MGST2: variants seen among roughly 807,000 people sequenced by gnomAD.
MGST2 encodes the protein microsomal glutathione S-transferase 2.
In MGST2, 9 loss-of-function variants were observed where a neutral mutation model predicts 16.6. The ratio of observed to expected loss-of-function variants is 0.54; its 90% CI spans 0.33 to 0.95. The LOEUF is 0.95. Ranked by LOEUF, MGST2 falls within the 40% of genes least tolerant of loss-of-function variation. The pLI is 0.03. For synonymous variants in MGST2, 79 were observed against 68.0 expected, an observed-to-expected ratio of 1.16 and a Z score of -0.79; for missense variants, 159 against 175.1, an observed-to-expected ratio of 0.91 and a Z score of 0.52.
Position 139,712,508 on chromosome 4 carries a change from A to C in MGST2, c.*48+8312A>C, listed in dbSNP as rs914193081. On this transcript the variant is annotated intron_variant, in intron 5 of 5. Transcript: ENST00000616265. ...ATTATTTGTATAAAGTACAGCAAGG[A>C]TAATTATTTTTCACACAGGCATTTT... Among the ~76,000 whole-genome samples, 6 of 152,226 alleles carry C rather than the reference A, an allele frequency of 3.9e-5. 1 individual carries two copies. Among genetic ancestry groups the C allele is most frequent in the Admixed American group, 2.6e-4 (4 of 15,278 alleles).
intron 5 of MGST2, chr4:139,725,753 T>G (rs1386149588): frequency 8.1e-6 from 13 of 1,613,766 alleles, no homozygotes; most frequent in Non-Finnish European, 1.1e-5. Flanking sequence ...GGCCTCACCT[T>G]GAAACTGATT....
At chr4:139,666,548 T>A (rs1011442097) in intron 1 of MGST2, among the ~76,000 whole-genome samples, 4 of 152,224 alleles carry the variant, frequency 2.6e-5, no homozygotes, top group African/African-American at 9.6e-5. Flanking sequence ...GGTGGTATGA[T>A]TATCAGATTG....
intron 2 of MGST2, among the ~76,000 whole-genome samples, chr4:139,694,731 A>G (rs1301615269): frequency 2.0e-5 from 3 of 152,338 alleles, no homozygotes; most frequent in South Asian, 2.1e-4. Context: ...TTCTTCCTCC[A>G]TAAAATGGGA....
At chr4:139,708,980 C>T (rs368667625), downstream of MGST2, among the ~76,000 whole-genome samples, 5 of 110,478 alleles carry the variant, frequency 4.5e-5, no homozygotes, top group Admixed American at 1.2e-4. Flanking sequence ...GCCTGGGCAA[C>T]GAGAGCAAAA....
intron 1 of MGST2, 91 bp downstream of exon 1, chr4:139,666,168 G>C: frequency 7.5e-7 from 1 of 1,339,762 alleles, no homozygotes; most frequent in Non-Finnish European, 1.1e-6. Flanking sequence ...GAGGGAGGGA[G>C]ATGGGTCCGG....
chr4:139,708,469 T>TGTA (rs1473182929), downstream of MGST2, among the ~76,000 whole-genome samples: 1 of 152,208 alleles, frequency 6.6e-6, no homozygotes, highest in Non-Finnish European at 1.5e-5. Context: ...ACTGTAGCCT[T>TGTA]GTAGTATAGT....
intron 5 of MGST2, chr4:139,719,174 C>A (rs973005880): frequency 1.3e-5 from 11 of 861,886 alleles, no homozygotes; most frequent in Non-Finnish European, 1.9e-5. Context: ...TGTGGATTGG[C>A]ACCTGGATCT....
In MGST2 at chr4:139,679,277, C is replaced by T. The variant is rs184534860; in HGVS notation, c.158+635C>T. 1.3e-4 allele frequency among the ~76,000 whole-genome samples: 20 copies of T among 152,256 alleles called. No individual in the cohort carries two copies. In the South Asian group the frequency reaches 1.7e-3, roughly 13 times the overall value. ...TACGTGCTTTAAGAAACATTTCATG[C>T]GTCACCACTGATATATCATTGGGTT... On this transcript the variant is annotated intron_variant, in intron 2 of 4. Transcript: ENST00000265498.
chr4:139,692,880 T>G (rs1276121997), intron 2 of MGST2, among the ~76,000 whole-genome samples: 1 of 152,236 alleles, frequency 6.6e-6, no homozygotes, highest in Admixed American at 6.5e-5. Context: ...TACACAATAT[T>G]ATCTCTTTGT....
At chr4:139,718,154 G>C (rs950052634) in intron 5 of MGST2, 32 of 152,224 alleles carry the variant, frequency 2.1e-4, no homozygotes, top group African/African-American at 7.5e-4. Context: ...CTCCTTCCTG[G>C]GGATATCAGA....
At chr4:139,680,145 C>T (rs1034270745) in intron 2 of MGST2, among the ~76,000 whole-genome samples, 7 of 152,192 alleles carry the variant, frequency 4.6e-5, no homozygotes, top group Non-Finnish European at 8.8e-5. Flanking sequence ...GAAATAATTT[C>T]ATGCTCCTTT....
chr4:139,746,383 A>G, the MGST2 span, among the ~76,000 whole-genome samples: 1 of 152,178 alleles, frequency 6.6e-6, no homozygotes, highest in South Asian at 2.1e-4. Context: ...AACATGTTTT[A>G]TATCACCAAC....
At chr4:139,678,423 T>A (rs1731071367) in intron 1 of MGST2, 120 bp from the exon 2 acceptor site, 1 of 779,284 alleles carries the variant, frequency 1.3e-6, no homozygotes. Flanking sequence ...ATCATCTGTC[T>A]TTTTGATTTT....
intron 5 of MGST2, among the ~76,000 whole-genome samples, chr4:139,726,650 A>G (rs1728484419): frequency 6.6e-6 from 1 of 150,874 alleles, no homozygotes; most frequent in Non-Finnish European, 1.5e-5. Flanking sequence ...TATTCCCATG[A>G]AGCCACACTG....
intron 2 of MGST2, among the ~76,000 whole-genome samples, chr4:139,693,908 G>T (rs1339482870): frequency 6.6e-6 from 1 of 152,150 alleles, no homozygotes; most frequent in Non-Finnish European, 1.5e-5. Flanking sequence ...GATGTGTGTG[G>T]GTAACCTCGC....
chr4:139,729,859 G>C (rs1728630668), intron 5 of MGST2, among the ~76,000 whole-genome samples: 1 of 152,176 alleles, frequency 6.6e-6, no homozygotes, highest in Non-Finnish European at 1.5e-5. Context: ...TAAAAGCTGT[G>C]GGGAGTTTTC....
chr4:139,672,784 C>T lies in MGST2; in HGVS notation c.59-5759C>T, dbSNP rs149886601. On this transcript the variant is annotated intron_variant, in intron 1 of 4. Coordinates refer to ENST00000265498, the MANE Select transcript of MGST2 (RefSeq NM_002413.5). Reference sequence around the variant, plus strand: ...CGGGCTTGTCTCAAACTCCTGACCTCAAGTGATCCACTAGCCTCAGCCTCC... The same window carrying T: ...CGGGCTTGTCTCAAACTCCTGACCTTAAGTGATCCACTAGCCTCAGCCTCC... Among the ~76,000 whole-genome samples the T allele has an allele frequency of 2.6e-5, 4 of 152,252 alleles. No homozygotes were observed. In the East Asian group the frequency reaches 7.7e-4, roughly 29 times the overall value.
chr4:139,701,301 A>C (rs1451349487), intron 3 of MGST2, among the ~76,000 whole-genome samples: 2 of 152,088 alleles, frequency 1.3e-5, no homozygotes, highest in Admixed American at 1.3e-4. Flanking sequence ...TTCTGGGAGT[A>C]ACTCCCTAGA....
chr4:139,691,367 C>T (rs571447458), intron 2 of MGST2, among the ~76,000 whole-genome samples: 1 of 152,314 alleles, frequency 6.6e-6, no homozygotes, highest in East Asian at 1.9e-4. Flanking sequence ...GTCAATGAAA[C>T]TGTAATTAGC....
Sources: gnomAD v4.1 joint callset for allele counts (sites outside exome capture counted in the v4.1 genomes callset) on GRCh38, gnomAD v4.1.1 for gene constraint, MANE v1.5 for transcripts, NCBI Gene and HGNC (gene_info 2026-07-23, HGNC 2026-07-21) for gene names.